Variants in MGA observed in about 807,000 individuals in gnomAD.
MGA encodes the protein MAX dimerization protein MGA, also known as MAX gene-associated protein.
MGA carries 40 observed loss-of-function variants against 261.1 expected under a neutral mutation model. The observed-to-expected ratio is 0.15, with a 90% CI of 0.12 to 0.20. MGA has a LOEUF of 0.20. Ranked by LOEUF, MGA falls within the 10% of genes least tolerant of loss-of-function variation. The pLI, the probability that MGA is intolerant of heterozygous loss-of-function variation, is 1.00. For missense variants in MGA, 3,397 were observed against 3,630.5 expected, an observed-to-expected ratio of 0.94 and a Z score of 1.65; for synonymous variants, 1,302 against 1,290.6, an observed-to-expected ratio of 1.01 and a Z score of -0.19.
chr15:41,748,925 C>A lies in MGA; in HGVS notation c.5501C>A (p.Pro1834Gln). 6.2e-7 allele frequency: 1 copy of A among 1,613,260 alleles called. No individual in the cohort carries two copies. The highest frequency in any genetic ancestry group is 8.5e-7 in the Non-Finnish European group (1 of 1,179,604). ...TTACAGCCTGTCATGTTTCGGAACCCAGGTATAAAGTTCTTTTTTATGAAC... is the reference window on the plus strand; with the variant it reads ...TTACAGCCTGTCATGTTTCGGAACCAAGGTATAAAGTTCTTTTTTATGAAC... The change falls in exon 16 of 24, where the codon CCA (proline) becomes CAA (glutamine). Residue 1834 changes from proline (P) to glutamine (Q), a missense_variant and splice_region_variant. Around this residue, in one of 9 missense-constraint regions of MGA, gnomAD observed 1,410 missense variants for 1,386.4 expected, o/e 1.02. Transcript: ENST00000219905.
intron 9 of MGA, among the ~76,000 whole-genome samples, chr15:41,725,272 A>G (rs1270086992): frequency 6.6e-6 from 1 of 152,232 alleles, no homozygotes. Context: ...CAGGAGTTCA[A>G]AACAGGCCTG....
intron 2 of MGA, among the ~76,000 whole-genome samples, chr15:41,680,125 T>C (rs915983143): frequency 6.6e-6 from 1 of 152,238 alleles, no homozygotes; most frequent in Non-Finnish European, 1.5e-5. Context: ...TGATGGTAAC[T>C]GCCTGACCAT....
intron 1 of MGA, among the ~76,000 whole-genome samples, chr15:41,667,370 C>G (rs566137356): frequency 1.3e-5 from 2 of 151,990 alleles, no homozygotes; most frequent in Non-Finnish European, 2.9e-5. Context: ...CTTAGCCTCC[C>G]GAGTACCTGG....
At chr15:41,637,901 C>A in intron 1 of MGA, among the ~76,000 whole-genome samples, 1 of 151,792 alleles carries the variant, frequency 6.6e-6, no homozygotes, top group East Asian at 1.9e-4. Flanking sequence ...CCTGCCACCC[C>A]ATCTGGCTAA....
chr15:41,678,418 T>G (rs1006317898), intron 2 of MGA, among the ~76,000 whole-genome samples: 1 of 150,950 alleles, frequency 6.6e-6, no homozygotes, highest in African/African-American at 2.4e-5. Flanking sequence ...AAGGTAAGGC[T>G]TCAGCTTCAT....
intron 19 of MGA, chr15:41,760,112 C>A: frequency 1.8e-6 from 1 of 549,536 alleles, no homozygotes; most frequent in Non-Finnish European, 3.3e-6. Flanking sequence ...GGTAAGATCA[C>A]TTTAGCATGT....
chr15:41,755,418 C>T (rs558677104), intron 18 of MGA, among the ~76,000 whole-genome samples: 43 of 152,278 alleles, frequency 2.8e-4, no homozygotes, highest in African/African-American at 1.0e-3. Flanking sequence ...ATTTAAATCC[C>T]TTAAAAACTT....
At chr15:41,739,301 T>G (rs895840309) in intron 13 of MGA, among the ~76,000 whole-genome samples, 1 of 152,222 alleles carries the variant, frequency 6.6e-6, no homozygotes, top group Non-Finnish European at 1.5e-5. Flanking sequence ...GTACCAACAT[T>G]CAGTTTGAAC....
chr15:41,634,034 A>G (rs769339315), intron 1 of MGA, among the ~76,000 whole-genome samples: 8 of 152,064 alleles, frequency 5.3e-5, no homozygotes, highest in Non-Finnish European at 4.4e-5. Flanking sequence ...GGAATACTGC[A>G]TAGCTTGTTC....
intron 9 of MGA, among the ~76,000 whole-genome samples, chr15:41,724,015 CA>C (rs1316206549): frequency 1.4e-5 from 2 of 145,284 alleles, no homozygotes; most frequent in African/African-American, 5.1e-5. Flanking sequence ...GCTATTATTT[CA>C]AAAGGAAAAG....
intron 1 of MGA, among the ~76,000 whole-genome samples, chr15:41,663,825 T>C (rs1038399045): frequency 2.0e-5 from 3 of 152,100 alleles, no homozygotes; most frequent in African/African-American, 7.2e-5. Context: ...TAAGTAGACT[T>C]TAGAGTGGTC....
intron 9 of MGA, among the ~76,000 whole-genome samples, chr15:41,714,540 G>C (rs1253967262): frequency 6.6e-6 from 1 of 152,188 alleles, no homozygotes; most frequent in Admixed American, 6.5e-5. Flanking sequence ...CTCTTGCTCT[G>C]TTGCCCAGGC....
chr15:41,742,593 A>G lies in MGA; in HGVS notation c.4633A>G (p.Lys1545Glu), dbSNP rs776052565. 3 of 1,613,802 alleles carry G rather than the reference A, an allele frequency of 1.9e-6. No individual in the cohort carries two copies. The highest frequency in any genetic ancestry group is 1.7e-6 in the Non-Finnish European group (2 of 1,179,868). ...TGTGTTCACACAGTTTGTGATGAGT[A>G]AAGTTGGAGCCTTGCAGCAGAAGAT... The change falls in exon 15 of 24, where the codon AAA (lysine) becomes GAA (glutamate). Residue 1545 changes from lysine to glutamate, a missense_variant. Physicochemically the swap from Lys to Glu is moderately conservative, Grantham distance 56. This residue lies in a region of MGA where 1,410 missense variants were observed against 1,386.4 expected (regional missense o/e 1.02). Coordinates refer to ENST00000219905, the MANE Select transcript of MGA (RefSeq NM_001164273.2).
intron 17 of MGA, among the ~76,000 whole-genome samples, chr15:41,753,524 G>C (rs1426694963): frequency 6.6e-6 from 1 of 152,148 alleles, no homozygotes; most frequent in Non-Finnish European, 1.5e-5. Flanking sequence ...CAGGTGCTCA[G>C]TAAACACTTT....
intron 17 of MGA, 91 bp downstream of exon 17, chr15:41,750,706 A>T: frequency 8.5e-7 from 1 of 1,181,768 alleles, no homozygotes; most frequent in Non-Finnish European, 1.2e-6. Context: ...ACTAAGGCAT[A>T]ATACATTTAA....
intron 14 of MGA, among the ~76,000 whole-genome samples, chr15:41,742,257 A>G (rs906801302): frequency 2.0e-5 from 3 of 151,644 alleles, no homozygotes; most frequent in Non-Finnish European, 4.4e-5. Context: ...GTTTGGTGGT[A>G]TGTGCCTGTA....
At chr15:41,678,725 C>T (rs900592003) in intron 2 of MGA, among the ~76,000 whole-genome samples, 1 of 150,590 alleles carries the variant, frequency 6.6e-6, no homozygotes, top group Non-Finnish European at 1.5e-5. Flanking sequence ...TGAGATTGCA[C>T]CACTGTCCTC....
At position 41,697,012 on chromosome 15, in the gene MGA, T is replaced by C; in HGVS notation, c.2002T>C (p.Phe668Leu). Residue 668 changes from phenylalanine to leucine, a missense_variant, in exon 3 of 24, where the codon TTT becomes CTT. By Grantham distance (22) the Phe-to-Leu change is conservative. Around this residue, in one of 9 missense-constraint regions of MGA, gnomAD observed 563 missense variants for 563.6 expected, o/e 1.00. Coordinates refer to ENST00000219905, the MANE Select transcript of MGA (RefSeq NM_001164273.2). ...TGTGGATGGTGTTCTCTTTGTTTCC[T>C]TTGAATCAAAGGTAAGATTGTAATT... 6.4e-7 allele frequency: 1 copy of C among 1,550,468 alleles called. No homozygotes were observed. Among genetic ancestry groups the C allele is most frequent in the Non-Finnish European group, 8.7e-7 (1 of 1,150,326 alleles).
Position 41,764,900 on chromosome 15 carries a change from T to A in MGA, c.7759T>A (p.Leu2587Met). The A allele has an allele frequency of 1.9e-6, 3 of 1,614,004 alleles. No individual in the cohort carries two copies. The highest frequency in any genetic ancestry group is 2.5e-6 in the Non-Finnish European group (3 of 1,179,882). Residue 2587 changes from leucine (L) to methionine (M), a missense_variant, in exon 23 of 24, where the codon TTG (leucine) becomes ATG (methionine). Transcript: ENST00000219905. ...CTTTCTTACAGAAAATACCTCACCC[T>A]TGAACACTCCACACACCTCTGCCAA...
Sources: allele counts gnomAD v4.1 joint callset (sites outside exome capture counted in the v4.1 genomes callset), GRCh38; gene constraint gnomAD v4.1.1; regional missense constraint gnomAD v4.1.1; transcripts MANE v1.5; gene names NCBI Gene and HGNC (gene_info 2026-07-23, HGNC 2026-07-21).